The following ADAMTS6 variants were observed in gnomAD, a reference collection of about 807,000 sequenced individuals.
ADAMTS6 encodes A disintegrin and metalloproteinase with thrombospondin motifs 6.
ADAMTS6 carries 23 observed loss-of-function variants against 144.3 expected under a neutral mutation model. The ratio of observed to expected loss-of-function variants is 0.16; its 90% CI spans 0.11 to 0.23. The LOEUF (loss-of-function observed/expected upper bound fraction) is 0.23. ADAMTS6 is among the 10% of genes least tolerant of loss of function. ADAMTS6 has a pLI of 1.00. For missense variants in ADAMTS6, 999 were observed against 1,379.6 expected (o/e 0.72, Z 4.37); for synonymous variants, 444 against 457.5 (o/e 0.97, Z 0.38).
intron 14 of ADAMTS6, among the ~76,000 whole-genome samples, chr5:65,249,028 C>T (rs1330069670): frequency 6.6e-6 from 1 of 151,376 alleles, no homozygotes; most frequent in Non-Finnish European, 1.5e-5. Context: ...TGTGTGTGTG[C>T]GCGCATGTCT....
chr5:65,416,397 TTAAACATA>T (rs1755513633), intron 7 of ADAMTS6, among the ~76,000 whole-genome samples: 1 of 152,058 alleles, frequency 6.6e-6, no homozygotes, highest in African/African-American at 2.4e-5. Context: ...CTTCAAAAGG[TTAAACATA>T]GAATCACCAT....
chr5:65,254,154 A>G (rs1453942477), intron 14 of ADAMTS6, among the ~76,000 whole-genome samples: 1 of 152,020 alleles, frequency 6.6e-6, no homozygotes, highest in Non-Finnish European at 1.5e-5. Context: ...CACATTACTC[A>G]GTCTTAACTC....
chr5:65,306,413 G>A (rs930146646), intron 9 of ADAMTS6, among the ~76,000 whole-genome samples: 4 of 152,166 alleles, frequency 2.6e-5, no homozygotes, highest in Non-Finnish European at 4.4e-5. Context: ...ATGCTAAGGT[G>A]TCAGCATTTA....
At chr5:65,349,095 A>C (rs532354064) in intron 7 of ADAMTS6, among the ~76,000 whole-genome samples, 91 of 152,244 alleles carry the variant, frequency 6.0e-4, no homozygotes, top group Non-Finnish European at 2.5e-4. Context: ...GTCTTCCTCA[A>C]AAACCTCAAA....
intron 1 of ADAMTS6, among the ~76,000 whole-genome samples, chr5:65,480,348 G>C (rs1761119470): frequency 6.8e-6 from 1 of 146,736 alleles, no homozygotes; most frequent in Non-Finnish European, 1.5e-5. Context: ...CGCCCAGACA[G>C]AGGGTAACAG....
chr5:65,322,024 A>G (rs946998565), intron 9 of ADAMTS6, among the ~76,000 whole-genome samples: 3 of 151,884 alleles, frequency 2.0e-5, no homozygotes, highest in African/African-American at 7.3e-5. Flanking sequence ...CCTTCAATCC[A>G]TCTTGAGTTA....
rs540410949 is a variant in ADAMTS6, at chr5:65,374,372, C to A, written c.1074-40287G>T. Among the ~76,000 whole-genome samples the A allele has an allele frequency of 6.0e-5, 9 of 149,212 alleles. No individual in the cohort carries two copies. The East Asian group carries it at 1.8e-3, about 29-fold the overall frequency. On this transcript the variant is annotated intron_variant, in intron 7 of 24. Transcript: ENST00000381055. ...TATCTAGAAAACCCCACTGTCTCAG[C>A]CCAAAATCTCCTTAAGCTGATAAGC...
intron 9 of ADAMTS6, among the ~76,000 whole-genome samples, chr5:65,322,546 G>T (rs1745715328): frequency 6.9e-6 from 1 of 145,188 alleles, no homozygotes. Context: ...TGATTTCTTT[G>T]AGCAGTGGTA....
At chr5:65,440,538 C>T (rs1028528481) in intron 7 of ADAMTS6, among the ~76,000 whole-genome samples, 1 of 152,152 alleles carries the variant, frequency 6.6e-6, no homozygotes, top group Non-Finnish European at 1.5e-5. Flanking sequence ...GGACTAAGTA[C>T]AGCAGCAGAG....
intron 15 of ADAMTS6, among the ~76,000 whole-genome samples, chr5:65,231,168 T>C (rs1277442085): frequency 3.3e-5 from 5 of 151,610 alleles, no homozygotes; most frequent in African/African-American, 1.2e-4. Context: ...ACACACATAG[T>C]CTAAAAGTTA....
intron 9 of ADAMTS6, among the ~76,000 whole-genome samples, chr5:65,306,463 T>C (rs1434301397): frequency 6.6e-6 from 1 of 152,080 alleles, no homozygotes; most frequent in African/African-American, 2.4e-5. Flanking sequence ...CAAATATCAA[T>C]ATAATTTTTT....
chr5:65,336,931 T>C (rs16893703), intron 7 of ADAMTS6, among the ~76,000 whole-genome samples: 7,570 of 152,178 alleles, frequency 0.05, 643 homozygotes, highest in African/African-American at 0.17. Flanking sequence ...CCATGATACC[T>C]ACTTCTAATA....
At chr5:65,234,554 A>T (rs778506729) in intron 15 of ADAMTS6, among the ~76,000 whole-genome samples, 1 of 152,126 alleles carries the variant, frequency 6.6e-6, no homozygotes, top group African/African-American at 2.4e-5. Flanking sequence ...CCACCATGAG[A>T]TATTACCTCA....
At chr5:65,394,503 C>T (rs181800257) in intron 7 of ADAMTS6, among the ~76,000 whole-genome samples, 4 of 151,950 alleles carry the variant, frequency 2.6e-5, no homozygotes, top group Non-Finnish European at 4.4e-5. Flanking sequence ...CAACTTATCA[C>T]GAAGCAATAA....
chr5:65,315,785 C>T (rs915486199), intron 9 of ADAMTS6, among the ~76,000 whole-genome samples: 2 of 152,062 alleles, frequency 1.3e-5, no homozygotes, highest in Non-Finnish European at 2.9e-5. Context: ...AGCATCAATT[C>T]TCTAAGAAGA....
At chr5:65,357,138 C>T (rs1223172131) in intron 7 of ADAMTS6, among the ~76,000 whole-genome samples, 2 of 151,282 alleles carry the variant, frequency 1.3e-5, no homozygotes, top group Non-Finnish European at 3.0e-5. Context: ...TGGTATGAAA[C>T]TAGAAATAAA....
At chr5:65,273,113 C>CAAAATAA (rs542931873) in intron 12 of ADAMTS6, among the ~76,000 whole-genome samples, 33 of 151,966 alleles carry the variant, frequency 2.2e-4, no homozygotes, top group Non-Finnish European at 3.8e-4. Flanking sequence ...ATACATATAC[C>CAAAATAA]AAAATAAAGG....
rs368148611 is a variant in ADAMTS6, at chr5:65,196,467, A to G, written c.2705+555T>C. Among the ~76,000 whole-genome samples, 616 of 137,712 alleles carry G rather than the reference A, an allele frequency of 4.5e-3. 1 individual carries two copies. Among genetic ancestry groups the G allele is most frequent in the East Asian group, 0.022 (97 of 4,436 alleles). The allele number at this position is 137,712 out of a possible 152,430, so 90.3% of individuals were successfully genotyped here. A position where few individuals can be genotyped will look rare whatever the true frequency, so the allele number is the denominator to read the frequency against. ...GAACCCTGGAGGCAGAGCTTGCAGT[A>G]AGCCGAGATCGCGCCACTGCACTCC... On this transcript the variant is annotated intron_variant, in intron 21 of 24. Coordinates refer to ENST00000381055, the MANE Select transcript of ADAMTS6 (RefSeq NM_197941.4).
At chr5:65,453,100 T>C (rs761819315) in intron 4 of ADAMTS6, among the ~76,000 whole-genome samples, 182 bp from the exon 5 acceptor site, 1 of 89,812 alleles carries the variant, frequency 1.1e-5, no homozygotes, top group African/African-American at 8.9e-5. Flanking sequence ...TCACGTTATC[T>C]GAAAAAATTA....
Sources: allele counts gnomAD v4.1 joint callset (sites outside exome capture counted in the v4.1 genomes callset), GRCh38; gene constraint gnomAD v4.1.1; transcripts MANE v1.5; gene names NCBI Gene and HGNC (gene_info 2026-07-23, HGNC 2026-07-21).